The following NBAS variants were observed in gnomAD, a reference collection of about 807,000 sequenced individuals.
NBAS encodes NBAS subunit of NRZ tethering complex.
NBAS carries 219 observed loss-of-function variants against 302.5 expected under a neutral mutation model. The observed-to-expected ratio is 0.72, with a 90% CI of 0.65 to 0.81. The LOEUF (loss-of-function observed/expected upper bound fraction) is 0.81. Ranked by LOEUF, NBAS falls within the 30% of genes least tolerant of loss-of-function variation. NBAS has a pLI of 0.00. For synonymous variants in NBAS, 1,118 were observed against 1,021.6 expected, an observed-to-expected ratio of 1.09 and a Z score of -1.80; for missense variants, 2,932 against 2,841.6, an observed-to-expected ratio of 1.03 and a Z score of -0.72.
rs538385176 is a variant in NBAS, at chr2:15,394,425, G to A, written c.3135-76C>T. 8.6e-6 allele frequency: 13 copies of A among 1,503,356 alleles called. No homozygotes were observed. In the East Asian group the frequency reaches 2.7e-4, roughly 32 times the overall value. 93.1% of individuals were successfully genotyped at this position (1,503,356 alleles called of 1,614,324 possible). ...TCTAAGAATCTTAGGCATAGAGGTA[G>A]CCCTTCAGTGTTTAGTATTAAAAAA... On this transcript the variant is annotated intron_variant, in intron 27 of 51. Transcript: ENST00000281513.
At chr2:15,251,516 A>G (rs1321644497) in intron 44 of NBAS, among the ~76,000 whole-genome samples, 3 of 152,218 alleles carry the variant, frequency 2.0e-5, no homozygotes, top group Admixed American at 6.5e-5. Context: ...TTAAGAAAGT[A>G]AAAGAATAAA....
chr2:15,393,976 G>A (rs1675740743), intron 28 of NBAS, among the ~76,000 whole-genome samples: 4 of 152,044 alleles, frequency 2.6e-5, no homozygotes, highest in Admixed American at 2.0e-4. Context: ...ATAAAGAAAA[G>A]CAAGAGAGAA....
At chr2:14,870,265 T>A in the NBAS span, among the ~76,000 whole-genome samples, 2 of 152,132 alleles carry the variant, frequency 1.3e-5, no homozygotes, top group Admixed American at 1.3e-4. Flanking sequence ...CAGGACAGTG[T>A]ACTCAAAAGC....
At chr2:15,099,175 T>C in the NBAS span, among the ~76,000 whole-genome samples, 1 of 152,020 alleles carries the variant, frequency 6.6e-6, no homozygotes, top group South Asian at 2.1e-4. Flanking sequence ...TGATGGTGCA[T>C]GCCTGTTGTC....
At chr2:15,111,091 G>A in the NBAS span, among the ~76,000 whole-genome samples, 57 of 152,042 alleles carry the variant, frequency 3.7e-4, no homozygotes, top group Admixed American at 6.6e-4. Context: ...GAAGAATAAC[G>A]GGAGAGAAAG....
intron 44 of NBAS, among the ~76,000 whole-genome samples, chr2:15,241,311 C>G (rs1667857364): frequency 6.6e-6 from 1 of 152,116 alleles, no homozygotes; most frequent in African/African-American, 2.4e-5. Flanking sequence ...GGAAGAGTTT[C>G]AAAAACAGAC....
chr2:15,419,879 T>C (rs954208280), intron 23 of NBAS, among the ~76,000 whole-genome samples: 11 of 151,844 alleles, frequency 7.2e-5, no homozygotes, highest in Admixed American at 2.0e-4. Flanking sequence ...GCCTGGCTAA[T>C]TTTTTTGTAT....
chr2:15,371,228 C>T (rs935016392), intron 31 of NBAS, among the ~76,000 whole-genome samples: 2 of 152,152 alleles, frequency 1.3e-5, no homozygotes, highest in Admixed American at 6.5e-5. Context: ...TTGCCTTCTG[C>T]CATGACTGTA....
At chr2:15,311,978 C>T (rs1671296398) in intron 38 of NBAS, among the ~76,000 whole-genome samples, 1 of 152,136 alleles carries the variant, frequency 6.6e-6, no homozygotes. Context: ...TTCCTCAAGT[C>T]CCTCCATCCC....
At chr2:14,805,950 T>A in the NBAS span, among the ~76,000 whole-genome samples, 1 of 152,154 alleles carries the variant, frequency 6.6e-6, no homozygotes, top group Non-Finnish European at 1.5e-5. Context: ...GATCATTTGT[T>A]TAAGATTTCA....
the NBAS span, among the ~76,000 whole-genome samples, chr2:14,869,592 G>A: frequency 3.0e-3 from 452 of 151,806 alleles, 3 homozygotes; most frequent in African/African-American, 0.01. Context: ...CCATACCATC[G>A]TCCTCCTCCA....
chr2:15,005,224 C>T, the NBAS span, among the ~76,000 whole-genome samples: 1 of 152,138 alleles, frequency 6.6e-6, no homozygotes, highest in Non-Finnish European at 1.5e-5. Flanking sequence ...CACAGCAGAC[C>T]TCTAGAATGT....
At chr2:15,466,314 CACAG>C (rs748489982) in intron 19 of NBAS, among the ~76,000 whole-genome samples, 205 of 152,206 alleles carry the variant, frequency 1.3e-3, no homozygotes, top group Admixed American at 2.8e-3. Flanking sequence ...GGAGGCAGAA[CACAG>C]ACTAAGAAAG....
At chr2:15,443,717 C>T (rs2148520533) in intron 21 of NBAS, among the ~76,000 whole-genome samples, 2 of 150,964 alleles carry the variant, frequency 1.3e-5, no homozygotes, top group East Asian at 3.9e-4. Context: ...CAAATTGTCC[C>T]TGTTTGCAGA....
At chr2:15,404,972 C>T (rs976531473) in intron 25 of NBAS, among the ~76,000 whole-genome samples, 1 of 152,136 alleles carries the variant, frequency 6.6e-6, no homozygotes, top group African/African-American at 2.4e-5. Flanking sequence ...TCCCATGAAC[C>T]ACTTACCCTT....
the NBAS span, among the ~76,000 whole-genome samples, chr2:15,081,899 C>G: frequency 1.3e-5 from 2 of 152,198 alleles, no homozygotes; most frequent in African/African-American, 4.8e-5. Context: ...GAGTCAGGCA[C>G]ATGTGGGTTA....
At chr2:14,906,518 T>C in the NBAS span, among the ~76,000 whole-genome samples, 1 of 152,164 alleles carries the variant, frequency 6.6e-6, no homozygotes, top group Admixed American at 6.5e-5. Flanking sequence ...GCACACGCTG[T>C]TCCTGGGGAC....
chr2:15,124,632 C>T, the NBAS span, among the ~76,000 whole-genome samples: 14 of 152,218 alleles, frequency 9.2e-5, no homozygotes, highest in African/African-American at 3.4e-4. Context: ...GGGGCAGGCC[C>T]AGGGCCCGTT....
chr2:14,902,326 T>C, the NBAS span, among the ~76,000 whole-genome samples: 11 of 152,196 alleles, frequency 7.2e-5, no homozygotes, highest in Non-Finnish European at 1.5e-4. Context: ...GAGATGGGGT[T>C]TCACCGTGTT....
Sources: allele counts gnomAD v4.1 joint callset (sites outside exome capture counted in the v4.1 genomes callset), GRCh38; gene constraint gnomAD v4.1.1; transcripts MANE v1.5; gene names NCBI Gene and HGNC (gene_info 2026-07-23, HGNC 2026-07-21).